The following CNTNAP2 variants were observed in gnomAD, a reference collection of about 807,000 sequenced individuals.
CNTNAP2 encodes contactin associated protein 2.
A neutral mutation model predicts 155.2 loss-of-function variants in CNTNAP2; 98 were observed. That is an observed-to-expected ratio of 0.63 (90% confidence interval 0.54 to 0.75). The LOEUF (loss-of-function observed/expected upper bound fraction) is 0.75. CNTNAP2 is among the 30% of genes least tolerant of loss of function. CNTNAP2 has a pLI of 0.00. For missense variants in CNTNAP2, 1,727 were observed against 1,688.1 expected (o/e 1.02, Z -0.40); for synonymous variants, 651 against 631.2 (o/e 1.03, Z -0.47).
chr7:146,959,713 C>CAAA (rs1176908836), intron 3 of CNTNAP2, among the ~76,000 whole-genome samples: 13 of 90,374 alleles, frequency 1.4e-4, no homozygotes, highest in East Asian at 9.4e-4. Context: ...CAGCGAGTCT[C>CAAA]AAAAAAAAAA....
chr7:147,474,690 G>A (rs143780853), intron 10 of CNTNAP2, among the ~76,000 whole-genome samples: 142 of 152,252 alleles, frequency 9.3e-4, no homozygotes, highest in African/African-American at 3.2e-3. Flanking sequence ...CAAGAGAAGT[G>A]ACTTTCTTAC....
chr7:147,032,934 G>A (rs1331336502), intron 3 of CNTNAP2, among the ~76,000 whole-genome samples: 1 of 151,712 alleles, frequency 6.6e-6, no homozygotes, highest in Non-Finnish European at 1.5e-5. Context: ...ATCATGTGAT[G>A]CCCCTAAAGA....
At chr7:147,748,658 A>T (rs909025015) in intron 13 of CNTNAP2, among the ~76,000 whole-genome samples, 3 of 152,164 alleles carry the variant, frequency 2.0e-5, no homozygotes, top group Non-Finnish European at 4.4e-5. Context: ...TTGTGCAAAC[A>T]TGTTACCAGC....
At chr7:146,644,366 G>T (rs555887686) in intron 1 of CNTNAP2, among the ~76,000 whole-genome samples, 50 of 152,156 alleles carry the variant, frequency 3.3e-4, no homozygotes, top group African/African-American at 6.7e-4. Flanking sequence ...TAGCATGAAG[G>T]GTTGTTGAAT....
At chr7:146,220,379 C>A (rs1799186776) in intron 1 of CNTNAP2, among the ~76,000 whole-genome samples, 1 of 151,970 alleles carries the variant, frequency 6.6e-6, no homozygotes, top group African/African-American at 2.4e-5. Context: ...CTGTATTTGC[C>A]ACCTATATCA....
chr7:148,195,745 C>A (rs1795266531), intron 18 of CNTNAP2, among the ~76,000 whole-genome samples: 1 of 152,092 alleles, frequency 6.6e-6, no homozygotes, highest in South Asian at 2.1e-4. Context: ...TTAATATATC[C>A]TATAACTGAG....
intron 1 of CNTNAP2, among the ~76,000 whole-genome samples, chr7:146,344,889 G>C (rs1281571254): frequency 1.3e-5 from 2 of 152,076 alleles, no homozygotes; most frequent in Non-Finnish European, 2.9e-5. Context: ...TAAAAATTCT[G>C]GTAAAATTAA....
At chr7:147,620,995 C>G (rs1244056886) in intron 12 of CNTNAP2, among the ~76,000 whole-genome samples, 1 of 152,070 alleles carries the variant, frequency 6.6e-6, no homozygotes, top group Non-Finnish European at 1.5e-5. Flanking sequence ...AGAAAAGAAG[C>G]ATATAGCAGG....
intron 4 of CNTNAP2, among the ~76,000 whole-genome samples, chr7:147,091,522 G>A (rs1273938213): frequency 6.6e-6 from 1 of 152,020 alleles, no homozygotes; most frequent in African/African-American, 2.4e-5. Context: ...CACGATCTCG[G>A]CTCACTGCAA....
At chr7:147,546,995 G>A (rs751945273) in intron 11 of CNTNAP2, among the ~76,000 whole-genome samples, 20 of 152,130 alleles carry the variant, frequency 1.3e-4, no homozygotes, top group Admixed American at 2.6e-4. Context: ...TCTGTGATTA[G>A]CTAATCAAAA....
chr7:146,536,833 T>C (rs750240414), intron 1 of CNTNAP2, among the ~76,000 whole-genome samples: 19 of 152,104 alleles, frequency 1.2e-4, no homozygotes, highest in Admixed American at 5.3e-4. Context: ...AAAATATTAA[T>C]AAATGCAAAA....
chr7:146,475,724 A>G (rs1312446704), intron 1 of CNTNAP2, among the ~76,000 whole-genome samples: 2 of 152,184 alleles, frequency 1.3e-5, no homozygotes, highest in Non-Finnish European at 2.9e-5. Context: ...GAAAAATGAA[A>G]AAGAATGAGT....
chr7:147,699,249 G>T (rs1189651586), intron 13 of CNTNAP2, among the ~76,000 whole-genome samples: 1 of 147,600 alleles, frequency 6.8e-6, no homozygotes, highest in South Asian at 2.1e-4. Flanking sequence ...AAAAAAAAAC[G>T]CTTTTTAAAA....
intron 13 of CNTNAP2, among the ~76,000 whole-genome samples, chr7:147,738,545 T>C (rs917663568): frequency 4.6e-5 from 7 of 152,220 alleles, no homozygotes; most frequent in African/African-American, 9.6e-5. Flanking sequence ...CAAATAATCA[T>C]TGGCATTTTT....
chr7:147,321,615 C>T (rs1795352284), intron 9 of CNTNAP2, among the ~76,000 whole-genome samples: 1 of 152,094 alleles, frequency 6.6e-6, no homozygotes, highest in Non-Finnish European at 1.5e-5. Flanking sequence ...TTGCTAAACA[C>T]AGCAAGAAGG....
intron 11 of CNTNAP2, among the ~76,000 whole-genome samples, chr7:147,528,726 T>C (rs1427200405): frequency 2.0e-5 from 3 of 152,142 alleles, no homozygotes; most frequent in Non-Finnish European, 4.4e-5. Context: ...GGAAGTAGGA[T>C]GTGTAATGCC....
intron 1 of CNTNAP2, among the ~76,000 whole-genome samples, chr7:146,763,285 C>A (rs1483824886): frequency 1.3e-5 from 2 of 152,032 alleles, no homozygotes; most frequent in Admixed American, 1.3e-4. Flanking sequence ...ATCAGATAAC[C>A]CTATGGCTTG....
At chr7:147,703,981 AT>A (rs1258864838) in intron 13 of CNTNAP2, among the ~76,000 whole-genome samples, 4 of 152,106 alleles carry the variant, frequency 2.6e-5, no homozygotes, top group African/African-American at 4.8e-5. Flanking sequence ...TGCCTGGCAT[AT>A]TTCTTTTAAG....
At chr7:147,157,567 G>A (rs1352839473) in intron 8 of CNTNAP2, among the ~76,000 whole-genome samples, 1 of 152,020 alleles carries the variant, frequency 6.6e-6, no homozygotes, top group Non-Finnish European at 1.5e-5. Context: ...ATTGAACTCT[G>A]CTCGTTTCCT....
Sources: gnomAD v4.1 joint callset for allele counts (sites outside exome capture counted in the v4.1 genomes callset) on GRCh38, gnomAD v4.1.1 for gene constraint, MANE v1.5 for transcripts, NCBI Gene and HGNC (gene_info 2026-07-23, HGNC 2026-07-21) for gene names.